AHCYL1: variants seen among roughly 807,000 people sequenced by gnomAD.
AHCYL1 encodes S-adenosylhomocysteine hydrolase-like protein 1.
A neutral mutation model predicts 79.3 loss-of-function variants in AHCYL1; 20 were observed. That is an observed-to-expected ratio of 0.25 (90% CI 0.18 to 0.37). The LOEUF is 0.37. Ranked by LOEUF, AHCYL1 falls within the 10% of genes least tolerant of loss-of-function variation. The pLI, the probability that AHCYL1 is intolerant of heterozygous loss-of-function variation, is 1.00. For missense variants in AHCYL1, 330 were observed against 673.6 expected, an observed-to-expected ratio of 0.49 and a Z score of 5.65; for synonymous variants, 223 against 242.2, an observed-to-expected ratio of 0.92 and a Z score of 0.74.
At chr1:110,011,184 T>C (rs1650999212) in intron 2 of AHCYL1, 30 bp from the exon 3 acceptor site, 2 of 1,611,766 alleles carry the variant, frequency 1.2e-6, no homozygotes, top group Non-Finnish European at 1.7e-6. Flanking sequence ...GAGGTTTTTC[T>C]ATCCTTGTTT....
At position 110,009,123 on chromosome 1, in the gene AHCYL1, C is replaced by G; in HGVS notation, c.210C>G (p.Ser70=). 1.2e-6 allele frequency: 2 copies of G among 1,613,742 alleles called. No individual in the cohort carries two copies. The highest frequency in any genetic ancestry group is 1.7e-6 in the Non-Finnish European group (2 of 1,179,736). The stretch of plus-strand genomic sequence containing the variant: ...CTTTGTCTCGCTCGATCTCACAGTC[C>G]TCCACTGACAGCTACAGTTCAGGTA... The part of the protein sequence containing the change: ...RRSLSRSISQ[S]STDSYSSAAS... The change falls in exon 2 of 17, where the codon TCC becomes TCG. Residue 70 remains serine, a synonymous_variant. Coordinates refer to ENST00000369799, the MANE Select transcript of AHCYL1 (RefSeq NM_006621.7).
chr1:110,008,896 T>G, intron 1 of AHCYL1, 138 bp from the exon 2 acceptor site: 1 of 588,898 alleles, frequency 1.7e-6, no homozygotes, highest in Non-Finnish European at 3.0e-6. Flanking sequence ...TTCCCCCATT[T>G]CTGGTGGGAA....
intron 1 of AHCYL1, among the ~76,000 whole-genome samples, chr1:109,992,135 C>A (rs1017910811): frequency 6.6e-6 from 1 of 151,910 alleles, no homozygotes; most frequent in Non-Finnish European, 1.5e-5. Flanking sequence ...CAGGCTGGGC[C>A]CAGTGGCTCA....
Position 110,018,118 on chromosome 1 carries a change from G to A in AHCYL1, c.1123+102G>A, listed in dbSNP as rs561373405. On this transcript the variant is annotated intron_variant, in intron 11 of 16. Coordinates refer to ENST00000369799, the MANE Select transcript of AHCYL1 (RefSeq NM_006621.7). ...AGGTGAGACCTCTGTTCAGTATAAA[G>A]GTCTCAGAACTAGAATAAGCTATCA... 11 of 1,297,396 alleles carry A rather than the reference G, an allele frequency of 8.5e-6. No individual in the cohort carries two copies. The African/African-American group carries it at 1.6e-4, about 19-fold the overall frequency. The allele number at this position is 1,297,396 out of a possible 1,614,324, so 80.4% of individuals were successfully genotyped here.
chr1:110,013,055 AC>A (rs1651154483), intron 5 of AHCYL1, 56 bp downstream of exon 5: 1 of 1,363,324 alleles, frequency 7.3e-7, no homozygotes, highest in African/African-American at 1.4e-5. Context: ...CAAACATATA[AC>A]TTTTTTGTAT....
chr1:110,018,608 T>C lies in AHCYL1; in HGVS notation c.1275T>C (p.His425=). 6.2e-7 allele frequency: 1 copy of C among 1,613,968 alleles called. No homozygotes were observed. The highest frequency in any genetic ancestry group is 8.5e-7 in the Non-Finnish European group (1 of 1,179,970). ...TWERVRSQVD[H]VIWPDGKRVV... ...AGCGAGTACGTTCTCAGGTGGACCA[T>C]GTCATCTGGCCAGATGGCAAACGAG... Residue 425 remains histidine (H), a synonymous_variant, in exon 13 of 17, where the codon CAT becomes CAC. Transcript: ENST00000369799.
intron 1 of AHCYL1, among the ~76,000 whole-genome samples, chr1:110,002,682 T>C (rs1184342653): frequency 2.0e-5 from 3 of 152,160 alleles, no homozygotes; most frequent in Non-Finnish European, 4.4e-5. Flanking sequence ...CCCTACAAAT[T>C]AACTTTTACT....
chr1:109,992,042 C>CTTTGA (rs1557759574), intron 1 of AHCYL1, among the ~76,000 whole-genome samples: 2 of 151,982 alleles, frequency 1.3e-5, no homozygotes, highest in African/African-American at 4.8e-5. Context: ...AGCTTTTGGG[C>CTTTGA]CATGACCTGT....
At chr1:110,012,498 A>T in intron 4 of AHCYL1, 36 bp downstream of exon 4, 1 of 1,508,756 alleles carries the variant, frequency 6.6e-7, no homozygotes, top group Non-Finnish European at 8.9e-7. Context: ...ACTTCTGATA[A>T]GGGGAAGAAA....
rs1319429932 is a variant in AHCYL1 at position 110,019,110 on chromosome 1, C to T, written c.1377C>T (p.Ala459=). The change falls in exon 14 of 17, where the codon GCC becomes GCT. Residue 459 remains alanine, a synonymous_variant. Coordinates refer to ENST00000369799, the MANE Select transcript of AHCYL1 (RefSeq NM_006621.7). ...TVPTFVLSIT[A]TTQALALIEL... ...CCACCTTTGTTCTGTCCATCACAGC[C>T]ACAACACAGGTATGTGGCAAAATGC... 12 of 1,614,178 alleles carry T rather than the reference C, an allele frequency of 7.4e-6. No individual in the cohort carries two copies. The highest frequency in any genetic ancestry group is 1.0e-5 in the Non-Finnish European group (12 of 1,180,036).
At chr1:110,000,334 C>T (rs1418576055) in intron 1 of AHCYL1, among the ~76,000 whole-genome samples, 2 of 152,208 alleles carry the variant, frequency 1.3e-5, no homozygotes, top group Admixed American at 6.5e-5. Context: ...CCCATACATT[C>T]TCCTCCTTAC....
At chr1:110,020,996 G>A (rs1001552208) in intron 16 of AHCYL1, 145 bp downstream of exon 16, 14 of 1,247,886 alleles carry the variant, frequency 1.1e-5, no homozygotes, top group Admixed American at 8.9e-5. Flanking sequence ...GGTGGCTCAC[G>A]CCTGTAATCC....
intron 2 of AHCYL1, 109 bp downstream of exon 2, chr1:110,009,254 G>A: frequency 1.0e-6 from 1 of 957,894 alleles, no homozygotes; most frequent in Non-Finnish European, 1.5e-6. Flanking sequence ...GCCCACCTTT[G>A]TGCTGAAAAC....
chr1:109,985,488 A>G (rs552210801), intron 1 of AHCYL1: 34 of 1,078,584 alleles, frequency 3.2e-5, no homozygotes, highest in Non-Finnish European at 3.8e-5. Flanking sequence ...GAACCAACTC[A>G]GCTGACCCTT....
At chr1:110,006,506 G>A (rs1650665914) in intron 1 of AHCYL1, among the ~76,000 whole-genome samples, 1 of 152,174 alleles carries the variant, frequency 6.6e-6, no homozygotes, top group Non-Finnish European at 1.5e-5. Flanking sequence ...AAATGAGTGA[G>A]TCCAACCCAA....
rs548296336 is a variant in AHCYL1 at position 110,012,315 on chromosome 1, T to C, written c.377-47T>C. On this transcript the variant is annotated intron_variant, in intron 3 of 16. Coordinates refer to ENST00000369799, the MANE Select transcript of AHCYL1 (RefSeq NM_006621.7). ...AGACCAGCCCTGGGGCAGGAACTGA[T>C]GATACTGCTAGTGCAGACCTAGCTC... 3.2e-6 allele frequency: 5 copies of C among 1,541,192 alleles called. No homozygotes were observed. The South Asian group carries it at 4.5e-5, about 14-fold the overall frequency.
At position 109,985,191 on chromosome 1, in the gene AHCYL1, G is replaced by A. The variant is rs759593556; in HGVS notation, c.120+19G>A. 3 of 1,601,442 alleles carry A rather than the reference G, an allele frequency of 1.9e-6. No homozygotes were observed. The highest frequency in any genetic ancestry group is 2.6e-6 in the Non-Finnish European group (3 of 1,174,580). ...CAAGAAGGTGCGGGGGCTCTGGGTG[G>A]CGGCGGGGGCTCGGGCTCCGGCCTC... On this transcript the variant is annotated intron_variant, in intron 1 of 16. Coordinates refer to ENST00000369799, the MANE Select transcript of AHCYL1 (RefSeq NM_006621.7).
At chr1:109,990,138 C>G (rs953409964) in intron 1 of AHCYL1, among the ~76,000 whole-genome samples, 1 of 152,154 alleles carries the variant, frequency 6.6e-6, no homozygotes. Context: ...CGTTTCTGTT[C>G]CTAAAACTGT....
chr1:109,985,265 G>T, intron 1 of AHCYL1, 93 bp downstream of exon 1: 1 of 1,473,814 alleles, frequency 6.8e-7, no homozygotes, highest in South Asian at 1.3e-5. Context: ...TGGGACTTCT[G>T]GGGGTGACTG....
Sources: gnomAD v4.1 joint callset for allele counts (sites outside exome capture counted in the v4.1 genomes callset) on GRCh38, gnomAD v4.1.1 for gene constraint, MANE v1.5 for transcripts, NCBI Gene and HGNC (gene_info 2026-07-23, HGNC 2026-07-21) for gene names.